The following ITPR1 variants were observed in gnomAD, a reference collection of about 807,000 sequenced individuals.
ITPR1 encodes inositol 1,4,5-trisphosphate receptor type 1.
A neutral mutation model predicts 318.4 loss-of-function variants in ITPR1; 96 were observed. That is an observed-to-expected ratio of 0.30 (90% CI 0.26 to 0.36). The LOEUF is 0.36. Ranked by LOEUF, ITPR1 falls within the 10% of genes least tolerant of loss-of-function variation. ITPR1 has a pLI of 1.00. For missense variants in ITPR1, 2,440 were observed against 3,460.2 expected (o/e 0.71, Z 7.40); for synonymous variants, 1,312 against 1,289.9 (o/e 1.02, Z -0.37).
At chr3:4,594,292 G>GA (rs2090621828) in intron 4 of ITPR1, among the ~76,000 whole-genome samples, 1 of 152,150 alleles carries the variant, frequency 6.6e-6, no homozygotes, top group South Asian at 2.1e-4. Flanking sequence ...ATCCTCCTTA[G>GA]AACTTTGCCT....
intron 60 of ITPR1, among the ~76,000 whole-genome samples, chr3:4,836,352 G>A (rs1177044145): frequency 4.6e-5 from 7 of 152,128 alleles, no homozygotes; most frequent in Non-Finnish European, 1.5e-5. Flanking sequence ...ACAGCAGTGT[G>A]AATGTACTTA....
At chr3:4,675,309 C>T (rs377104811) in intron 23 of ITPR1, 61 bp downstream of exon 23, 2 of 1,198,014 alleles carry the variant, frequency 1.7e-6, no homozygotes, top group Non-Finnish European at 1.2e-6. Flanking sequence ...CTGTTATGCT[C>T]ATGTCATACC....
chr3:4,732,998 A>G (rs2043031434), intron 42 of ITPR1, 90 bp from the exon 43 acceptor site: 2 of 1,347,356 alleles, frequency 1.5e-6, no homozygotes, highest in South Asian at 1.3e-5. Flanking sequence ...TGGGCCAATT[A>G]TAACTGAGTA....
intron 42 of ITPR1, among the ~76,000 whole-genome samples, chr3:4,732,740 C>T (rs1317845194): frequency 6.6e-6 from 1 of 152,182 alleles, no homozygotes; most frequent in Non-Finnish European, 1.5e-5. Context: ...TATGTGGAAG[C>T]TGACCTGTAA....
At chr3:4,845,866 C>G (rs1364933046) in intron 61 of ITPR1, among the ~76,000 whole-genome samples, 1 of 152,168 alleles carries the variant, frequency 6.6e-6, no homozygotes, top group Non-Finnish European at 1.5e-5. Context: ...AAGAAAGAAT[C>G]CTGTGCTTTT....
chr3:4,798,733 T>G (rs2048042237), intron 53 of ITPR1, among the ~76,000 whole-genome samples: 1 of 152,236 alleles, frequency 6.6e-6, no homozygotes, highest in African/African-American at 2.4e-5. Flanking sequence ...ATATCCATAC[T>G]ATAATATAGT....
chr3:4,532,529 C>A (rs2083502715), intron 4 of ITPR1, among the ~76,000 whole-genome samples: 1 of 152,094 alleles, frequency 6.6e-6, no homozygotes, highest in African/African-American at 2.4e-5. Context: ...TGTCACCACA[C>A]CCAGCTAATT....
intron 40 of ITPR1, among the ~76,000 whole-genome samples, chr3:4,722,891 G>A (rs1217271731): frequency 1.3e-5 from 2 of 152,222 alleles, no homozygotes; most frequent in Non-Finnish European, 2.9e-5. Flanking sequence ...ACTCACACCT[G>A]TAATCCCAGC....
At chr3:4,610,873 T>A (rs73104463) in intron 4 of ITPR1, among the ~76,000 whole-genome samples, 1 of 138,226 alleles carries the variant, frequency 7.2e-6, no homozygotes, top group African/African-American at 2.8e-5. Context: ...TTCCCTTTCC[T>A]TTCCTCTCTC....
chr3:4,555,614 A>C (rs1232705123), intron 4 of ITPR1, among the ~76,000 whole-genome samples: 1 of 152,208 alleles, frequency 6.6e-6, no homozygotes, highest in Non-Finnish European at 1.5e-5. Context: ...GACATGGAGG[A>C]AACTTACTAA....
chr3:4,718,801 G>A (rs374568889), intron 40 of ITPR1, among the ~76,000 whole-genome samples: 6 of 152,302 alleles, frequency 3.9e-5, no homozygotes, highest in East Asian at 1.9e-4. Flanking sequence ...GAATTTTGCC[G>A]TTTCCTGTTT....
At chr3:4,642,858 A>G (rs1309366295) in intron 7 of ITPR1, among the ~76,000 whole-genome samples, 1 of 152,234 alleles carries the variant, frequency 6.6e-6, no homozygotes, top group African/African-American at 2.4e-5. Context: ...ACGTGGGCAT[A>G]TACTTCACAG....
intron 4 of ITPR1, among the ~76,000 whole-genome samples, chr3:4,560,991 G>A (rs1202859470): frequency 2.0e-5 from 3 of 152,226 alleles, no homozygotes; most frequent in Non-Finnish European, 4.4e-5. Context: ...CTTTGAGGAT[G>A]CAGGCTGATG....
At chr3:4,754,525 A>G (rs1482919024) in intron 44 of ITPR1, among the ~76,000 whole-genome samples, 7 of 152,102 alleles carry the variant, frequency 4.6e-5, no homozygotes, top group Admixed American at 6.5e-5. Flanking sequence ...TTGTCATTGA[A>G]TCATAGAACC....
chr3:4,711,303 T>C (rs2041351523), intron 38 of ITPR1, among the ~76,000 whole-genome samples: 1 of 152,006 alleles, frequency 6.6e-6, no homozygotes, highest in Non-Finnish European at 1.5e-5. Context: ...AGTTTCTTAC[T>C]TTTCTGGGCC....
chr3:4,673,476 AT>A, intron 21 of ITPR1, 89 bp downstream of exon 21: 1 of 1,285,642 alleles, frequency 7.8e-7, no homozygotes. Flanking sequence ...TAGAAGAAAG[AT>A]GAAGTGTTGG....
chr3:4,579,201 A>C (rs1289596987), intron 4 of ITPR1, among the ~76,000 whole-genome samples: 2 of 152,174 alleles, frequency 1.3e-5, no homozygotes, highest in Non-Finnish European at 2.9e-5. Context: ...CTTCTAAAAG[A>C]TGTGTCGTTG....
At chr3:4,539,833 G>C (rs988694500) in intron 4 of ITPR1, among the ~76,000 whole-genome samples, 1 of 152,122 alleles carries the variant, frequency 6.6e-6, no homozygotes, top group African/African-American at 2.4e-5. Context: ...GGACTCTTTA[G>C]AGAGTCCTTA....
chr3:4,619,778 C>CTCTCCTCTGCCCTCCCT (rs2092550871), intron 4 of ITPR1, among the ~76,000 whole-genome samples: 1 of 45,296 alleles, frequency 2.2e-5, no homozygotes, highest in Admixed American at 2.7e-4. Flanking sequence ...CTGCCCTCCC[C>CTCTCCTCTGCCCTCCCT]TGCTCTCCTC....
Sources: allele counts gnomAD v4.1 joint callset (sites outside exome capture counted in the v4.1 genomes callset), GRCh38; gene constraint gnomAD v4.1.1; transcripts MANE v1.5; gene names NCBI Gene and HGNC (gene_info 2026-07-23, HGNC 2026-07-21).